RIPK1: variants seen among roughly 807,000 people sequenced by gnomAD.
RIPK1 encodes the protein receptor-interacting serine/threonine-protein kinase 1.
In RIPK1, 27 loss-of-function variants were observed where a neutral mutation model predicts 62.4. The ratio of observed to expected loss-of-function variants is 0.43; its 90% CI spans 0.32 to 0.60. RIPK1 has a LOEUF of 0.60. Ranked by LOEUF, RIPK1 falls within the 20% of genes least tolerant of loss-of-function variation. The pLI, the probability that RIPK1 is intolerant of heterozygous loss-of-function variation, is 0.07. For synonymous variants in RIPK1, 287 were observed against 303.2 expected (o/e 0.95, Z 0.55); for missense variants, 735 against 831.0 (o/e 0.88, Z 1.42).
chr6:3,087,186 A>T (rs567767629), intron 6 of RIPK1, among the ~76,000 whole-genome samples: 22 of 151,746 alleles, frequency 1.4e-4, no homozygotes, highest in African/African-American at 5.1e-4. Flanking sequence ...TTTAGTTGTT[A>T]TTTATCTTGG....
At position 3,077,948 on chromosome 6, in the gene RIPK1, C is replaced by G. The variant is rs1759179248; in HGVS notation, c.321+13C>G. ...GCTGAAAGCCGAGGTAGAGAGGGCC[C>G]CTCCGCACGGGGATCCCCAGCGCTT... On this transcript the variant is annotated intron_variant, in intron 3 of 10. Coordinates refer to ENST00000259808, the MANE Select transcript of RIPK1 (RefSeq NM_001354930.2). 1.9e-6 allele frequency: 3 copies of G among 1,612,944 alleles called. No individual in the cohort carries two copies. Among genetic ancestry groups the G allele is most frequent in the African/African-American group, 2.7e-5 (2 of 75,054 alleles).
chr6:3,070,025 T>G lies in RIPK1; in HGVS notation c.-61+1364T>G, dbSNP rs141526867. 4.6e-3 allele frequency among the ~76,000 whole-genome samples: 703 copies of G among 151,262 alleles called. 4 individuals carry two copies. Among genetic ancestry groups the G allele is most frequent in the African/African-American group, 7.5e-3 (306 of 40,944 alleles). On this transcript the variant is annotated intron_variant, in intron 1 of 10. Coordinates refer to ENST00000259808, the MANE Select transcript of RIPK1 (RefSeq NM_001354930.2). Reference sequence around the variant, plus strand: ...ACTCTGTATCAAAAAAAAAAATAAATAAAGAAATGGGGAATACTGCAGCTC... The same window carrying G: ...ACTCTGTATCAAAAAAAAAAATAAAGAAAGAAATGGGGAATACTGCAGCTC...
chr6:3,098,591 A>G (rs940417854), intron 7 of RIPK1, among the ~76,000 whole-genome samples: 2 of 152,250 alleles, frequency 1.3e-5, no homozygotes, highest in African/African-American at 2.4e-5. Flanking sequence ...TTAAAAGCAC[A>G]ACCAAATTCT....
chr6:3,106,917 A>G (rs1360934855), intron 9 of RIPK1, among the ~76,000 whole-genome samples: 1 of 152,138 alleles, frequency 6.6e-6, no homozygotes. Context: ...TTGCCATATC[A>G]TTTTATTCAT....
At chr6:3,082,628 T>C (rs1288289791) in intron 4 of RIPK1, among the ~76,000 whole-genome samples, 1 of 152,158 alleles carries the variant, frequency 6.6e-6, no homozygotes, top group East Asian at 1.9e-4. Context: ...CTTGCATCCA[T>C]GGGCCTCTGG....
rs576806853 is a variant in RIPK1, at chr6:3,087,729, C to T, written c.839-1852C>T. Reference sequence around the variant, plus strand: ...TAATTTTTTGTATTTTTAGTAGAGACGGGGTTTCACCGTGTTAGCCAGGAT... The same window carrying T: ...TAATTTTTTGTATTTTTAGTAGAGATGGGGTTTCACCGTGTTAGCCAGGAT... On this transcript the variant is annotated intron_variant, in intron 6 of 10. Coordinates refer to ENST00000259808, the MANE Select transcript of RIPK1 (RefSeq NM_001354930.2). Among the ~76,000 whole-genome samples the T allele has an allele frequency of 4.3e-4, 66 of 152,008 alleles. 1 individual carries two copies. Among genetic ancestry groups the T allele is most frequent in the East Asian group, 3.1e-3 (16 of 5,170 alleles).
chr6:3,067,454 A>G (rs899394063), upstream of RIPK1, among the ~76,000 whole-genome samples: 2 of 152,036 alleles, frequency 1.3e-5, no homozygotes, highest in Admixed American at 1.3e-4. Flanking sequence ...GTGTAATAGT[A>G]TTTGTTTTTT....
At chr6:3,083,050 A>G in intron 4 of RIPK1, 35 bp from the exon 5 acceptor site, 1 of 1,603,300 alleles carries the variant, frequency 6.2e-7, no homozygotes, top group Non-Finnish European at 8.5e-7. Flanking sequence ...TACGGCCTTC[A>G]CCAAACAATC....
intron 4 of RIPK1, among the ~76,000 whole-genome samples, chr6:3,081,776 C>T (rs770309478): frequency 9.6e-5 from 14 of 145,958 alleles, no homozygotes; most frequent in Non-Finnish European, 1.9e-4. Flanking sequence ...AGGAGAATCG[C>T]CTGAACCGGG....
chr6:3,080,608 G>A (rs998472631), intron 3 of RIPK1, among the ~76,000 whole-genome samples: 4 of 152,144 alleles, frequency 2.6e-5, no homozygotes, highest in African/African-American at 9.7e-5. Flanking sequence ...CACAGAAACT[G>A]CTTGCTCGTA....
chr6:3,088,299 G>C (rs1203007857), intron 6 of RIPK1, among the ~76,000 whole-genome samples: 1 of 152,200 alleles, frequency 6.6e-6, no homozygotes, highest in Non-Finnish European at 1.5e-5. Flanking sequence ...CTGATCAGGG[G>C]TGGGAATTCT....
chr6:3,064,801 G>A (rs1159311066), upstream of RIPK1, among the ~76,000 whole-genome samples: 1 of 152,204 alleles, frequency 6.6e-6, no homozygotes, highest in Non-Finnish European at 1.5e-5. Context: ...CTTTGGGAGG[G>A]GTTCAGGATG....
chr6:3,098,704 A>C (rs762906343), intron 7 of RIPK1, among the ~76,000 whole-genome samples: 1 of 152,252 alleles, frequency 6.6e-6, no homozygotes, highest in Non-Finnish European at 1.5e-5. Flanking sequence ...TACAGCAAGG[A>C]TAATCAAATA....
At chr6:3,112,812 T>C (rs950378125) in intron 10 of RIPK1, among the ~76,000 whole-genome samples, 2 of 152,180 alleles carry the variant, frequency 1.3e-5, no homozygotes, top group Admixed American at 1.3e-4. Flanking sequence ...GTGTTGGGAT[T>C]ATAGGCATGA....
At chr6:3,081,391 T>A (rs900133236) in intron 4 of RIPK1, among the ~76,000 whole-genome samples, 2 of 152,212 alleles carry the variant, frequency 1.3e-5, no homozygotes, top group Admixed American at 1.3e-4. Context: ...CTGTGTTTTT[T>A]CCTCTGTTAG....
intron 9 of RIPK1, among the ~76,000 whole-genome samples, chr6:3,107,381 C>G (rs1219794691): frequency 1.3e-5 from 2 of 149,684 alleles, no homozygotes; most frequent in East Asian, 3.9e-4. Flanking sequence ...ACGGTGAAAC[C>G]CCGTCTCTAC....
At chr6:3,068,714 C>T (rs1758514640) in intron 1 of RIPK1, 53 bp downstream of exon 1, 1 of 968,698 alleles carries the variant, frequency 1.0e-6, no homozygotes, top group Non-Finnish European at 1.2e-6. Flanking sequence ...CGGGCTCAGT[C>T]CCGGTGACCC....
chr6:3,082,305 C>G (rs576389507), intron 4 of RIPK1, among the ~76,000 whole-genome samples: 1 of 152,330 alleles, frequency 6.6e-6, no homozygotes, highest in East Asian at 1.9e-4. Flanking sequence ...TTCATGACTT[C>G]CCTCTTATGT....
chr6:3,082,172 G>T (rs2113602504), intron 4 of RIPK1, among the ~76,000 whole-genome samples: 1 of 152,282 alleles, frequency 6.6e-6, no homozygotes, highest in Non-Finnish European at 1.5e-5. Context: ...CCCTGGGGGA[G>T]GCACCCAGGA....
Sources: gnomAD v4.1 joint callset for allele counts (sites outside exome capture counted in the v4.1 genomes callset) on GRCh38, gnomAD v4.1.1 for gene constraint, MANE v1.5 for transcripts, NCBI Gene and HGNC (gene_info 2026-07-23, HGNC 2026-07-21) for gene names.